Variants in SLC4A4 observed in about 807,000 individuals in gnomAD.
SLC4A4 encodes solute carrier family 4 member 4.
A neutral mutation model predicts 111.5 loss-of-function variants in SLC4A4; 27 were observed. That is an observed-to-expected ratio of 0.24 (90% CI 0.18 to 0.33). The LOEUF is 0.33. SLC4A4 is among the 10% of genes least tolerant of loss of function. The pLI is 1.00. For missense variants in SLC4A4, 909 were observed against 1,315.5 expected (o/e 0.69, Z 4.78); for synonymous variants, 443 against 463.4 (o/e 0.96, Z 0.57).
At chr4:71,494,493 A>G (rs1460984107) in intron 15 of SLC4A4, among the ~76,000 whole-genome samples, 1 of 151,496 alleles carries the variant, frequency 6.6e-6, no homozygotes, top group Non-Finnish European at 1.5e-5. Flanking sequence ...AAAAAAAAAA[A>G]TAATGGAGAT....
At chr4:71,397,754 C>T (rs1719961160) in intron 7 of SLC4A4, 101 bp downstream of exon 7, 3 of 1,022,928 alleles carry the variant, frequency 2.9e-6, no homozygotes, top group Admixed American at 1.8e-5. Context: ...TAAAATGGAC[C>T]TTTACGTGCA....
At chr4:71,428,978 A>C (rs1298676089) in intron 7 of SLC4A4, among the ~76,000 whole-genome samples, 2 of 152,178 alleles carry the variant, frequency 1.3e-5, no homozygotes, top group African/African-American at 2.4e-5. Context: ...AATTGTGAGT[A>C]TTCCTGGTTA....
chr4:71,201,151 C>T (rs1746229193), intron 1 of SLC4A4, among the ~76,000 whole-genome samples: 1 of 152,142 alleles, frequency 6.6e-6, no homozygotes, highest in South Asian at 2.1e-4. Flanking sequence ...TACTGAGGGA[C>T]ACTACCTGTT....
intron 14 of SLC4A4, among the ~76,000 whole-genome samples, chr4:71,482,136 A>G (rs1197061272): frequency 6.6e-6 from 1 of 151,660 alleles, no homozygotes; most frequent in Non-Finnish European, 1.5e-5. Context: ...CAAGCTTCCA[A>G]TTGGGATTGA....
At chr4:71,068,061 CGTTTTT>C (rs1741571179) in intron 1 of SLC4A4, among the ~76,000 whole-genome samples, 1 of 132,384 alleles carries the variant, frequency 7.6e-6, no homozygotes, top group East Asian at 2.2e-4. Context: ...TTTGAACAAA[CGTTTTT>C]TTTTTTTTTT....
chr4:71,292,067 TA>T (rs1211091595), intron 3 of SLC4A4, among the ~76,000 whole-genome samples: 12 of 151,298 alleles, frequency 7.9e-5, no homozygotes, highest in East Asian at 1.9e-4. Context: ...TTGTTGACTA[TA>T]AAAAAAAAGA....
intron 14 of SLC4A4, among the ~76,000 whole-genome samples, chr4:71,480,726 A>G (rs1207945600): frequency 6.6e-6 from 1 of 151,824 alleles, no homozygotes; most frequent in East Asian, 2.0e-4. Context: ...ATTATCATGG[A>G]AAATAGTCTT....
At chr4:71,161,403 T>C (rs754502254) in intron 2 of SLC4A4, among the ~76,000 whole-genome samples, 1 of 152,194 alleles carries the variant, frequency 6.6e-6, no homozygotes, top group Non-Finnish European at 1.5e-5. Flanking sequence ...ACAGGGAATG[T>C]GGAGACAAGA....
At chr4:71,254,535 A>G (rs1367114194) in intron 2 of SLC4A4, among the ~76,000 whole-genome samples, 2 of 152,118 alleles carry the variant, frequency 1.3e-5, no homozygotes, top group Non-Finnish European at 2.9e-5. Context: ...TGTAGCTGAC[A>G]TTCATTTTAG....
intron 4 of SLC4A4, among the ~76,000 whole-genome samples, chr4:71,347,176 A>G (rs1368979189): frequency 6.6e-6 from 1 of 152,042 alleles, no homozygotes; most frequent in East Asian, 1.9e-4. Flanking sequence ...AGTCATATTT[A>G]AGTCTAACCA....
chr4:71,546,517 T>C lies in SLC4A4; in HGVS notation c.2610T>C (p.Phe870=), dbSNP rs755482622. 1 of 1,612,172 alleles carries C rather than the reference T, an allele frequency of 6.2e-7. No homozygotes were observed. Among genetic ancestry groups the C allele is most frequent in the East Asian group, 2.2e-5 (1 of 44,698 alleles). Residue 870 remains phenylalanine (F), a synonymous_variant, in exon 19 of 26, where the codon TTT becomes TTC. Coordinates refer to ENST00000264485, the MANE Select transcript of SLC4A4 (RefSeq NM_001098484.3). ...CTGCACCTGGAGAACAACCAAAGTT[T>C]CTAGGAGTGAGGTGTGTTAACTCAG... ...ETSAPGEQPK[F]LGVREQRVTG... is the part of the protein sequence containing the mutation.
intron 1 of SLC4A4, among the ~76,000 whole-genome samples, chr4:71,193,506 G>A (rs1745849020): frequency 6.6e-6 from 1 of 152,144 alleles, no homozygotes; most frequent in African/African-American, 2.4e-5. Context: ...TTGATGGGAC[G>A]GTTTTAGTAG....
chr4:71,555,477 T>C (rs1736390384), intron 21 of SLC4A4, among the ~76,000 whole-genome samples: 1 of 151,902 alleles, frequency 6.6e-6, no homozygotes, highest in Admixed American at 6.6e-5. Context: ...ATAATCTTTC[T>C]TTTCCTTCCC....
At chr4:71,566,352 T>C (rs888778105) in intron 24 of SLC4A4, among the ~76,000 whole-genome samples, 1 of 151,828 alleles carries the variant, frequency 6.6e-6, no homozygotes, top group Non-Finnish European at 1.5e-5. Flanking sequence ...CATCATAACC[T>C]GGTATAGCCC....
chr4:71,398,539 A>C lies in SLC4A4; in HGVS notation c.807+886A>C, dbSNP rs528747608. On this transcript the variant is annotated intron_variant, in intron 7 of 25. Coordinates refer to ENST00000264485, the MANE Select transcript of SLC4A4 (RefSeq NM_001098484.3). ...TCTGCAAGAAAATTATATTTTAAGA[A>C]TATAGTATATGGAAAAATGATGCTT... Among the ~76,000 whole-genome samples the C allele has an allele frequency of 3.7e-3, 566 of 152,298 alleles. 1 individual carries two copies. The highest frequency in any genetic ancestry group is 0.014 in the Middle Eastern group (4 of 294).
At chr4:71,415,667 T>G (rs1308077656) in intron 7 of SLC4A4, among the ~76,000 whole-genome samples, 1 of 152,226 alleles carries the variant, frequency 6.6e-6, no homozygotes, top group African/African-American at 2.4e-5. Flanking sequence ...TGGAGAGCAC[T>G]AAGCATTTGA....
chr4:71,152,288 C>T (rs978188067), intron 2 of SLC4A4, among the ~76,000 whole-genome samples: 1 of 152,020 alleles, frequency 6.6e-6, no homozygotes, highest in African/African-American at 2.4e-5. Context: ...TACATATATG[C>T]TTATCTCTAA....
intron 2 of SLC4A4, among the ~76,000 whole-genome samples, chr4:71,109,575 C>T (rs79896342): frequency 0.035 from 5,220 of 150,846 alleles, 301 homozygotes; most frequent in African/African-American, 0.12. Context: ...AGGAGTCTTG[C>T]TCTGTCACCC....
At chr4:71,475,212 A>T (rs1370385613) in intron 14 of SLC4A4, among the ~76,000 whole-genome samples, 1 of 151,808 alleles carries the variant, frequency 6.6e-6, no homozygotes. Context: ...GGGCTTTGTC[A>T]ACACACCTGT....
Sources: allele counts gnomAD v4.1 joint callset (sites outside exome capture counted in the v4.1 genomes callset), GRCh38; gene constraint gnomAD v4.1.1; transcripts MANE v1.5; gene names NCBI Gene and HGNC (gene_info 2026-07-23, HGNC 2026-07-21).